HDAC9: variants seen among roughly 807,000 people sequenced by gnomAD.
The protein encoded by HDAC9 is MEF-2 interacting transcription repressor (MITR) protein.
A neutral mutation model predicts 139.4 loss-of-function variants in HDAC9; 41 were observed. That is an observed-to-expected ratio of 0.29 (90% CI 0.23 to 0.38). The LOEUF is 0.38. HDAC9 is among the 10% of genes least tolerant of loss of function. The pLI is 1.00. For missense variants in HDAC9, 1,147 were observed against 1,297.0 expected (o/e 0.88, Z 1.78); for synonymous variants, 517 against 476.2 (o/e 1.09, Z -1.12).
At chr7:18,322,388 T>G (rs905718713) in intron 1 of HDAC9, among the ~76,000 whole-genome samples, 2 of 152,182 alleles carry the variant, frequency 1.3e-5, no homozygotes, top group African/African-American at 4.8e-5. Context: ...AACTAATTTT[T>G]GTGGATTACC....
At chr7:18,738,012 A>G (rs1562899526) in intron 13 of HDAC9, among the ~76,000 whole-genome samples, 1 of 152,146 alleles carries the variant, frequency 6.6e-6, no homozygotes, top group Non-Finnish European at 1.5e-5. Flanking sequence ...ACCATTATGT[A>G]ATGGTGTTCT....
chr7:18,988,472 T>C (rs1388477317), intron 25 of HDAC9, among the ~76,000 whole-genome samples: 4 of 151,766 alleles, frequency 2.6e-5, no homozygotes, highest in Non-Finnish European at 4.4e-5. Context: ...TGAGGAGAGC[T>C]TTACTTCCAA....
At chr7:18,279,703 A>G (rs1389249996) in intron 2 of HDAC9, among the ~76,000 whole-genome samples, 1 of 151,970 alleles carries the variant, frequency 6.6e-6, no homozygotes, top group Non-Finnish European at 1.5e-5. Context: ...TGACCTCGTG[A>G]TCCACCCCCC....
intron 1 of HDAC9, among the ~76,000 whole-genome samples, chr7:18,140,138 C>T (rs1325359825): frequency 6.6e-6 from 1 of 152,108 alleles, no homozygotes; most frequent in Non-Finnish European, 1.5e-5. Flanking sequence ...AGCCAGGGTA[C>T]TCATTACTCA....
chr7:18,860,452 A>G (rs1057348239), intron 21 of HDAC9, among the ~76,000 whole-genome samples: 1 of 152,204 alleles, frequency 6.6e-6, no homozygotes, highest in African/African-American at 2.4e-5. Flanking sequence ...TACATGTTGC[A>G]GGGGCTTGTT....
At chr7:18,936,274 A>C (rs539989955) in intron 23 of HDAC9, among the ~76,000 whole-genome samples, 1 of 148,184 alleles carries the variant, frequency 6.7e-6, no homozygotes, top group African/African-American at 2.6e-5. Context: ...TTGTAGGGTT[A>C]TGTTATTTCT....
chr7:18,934,509 G>A (rs1391877949), intron 22 of HDAC9, among the ~76,000 whole-genome samples: 1 of 152,106 alleles, frequency 6.6e-6, no homozygotes, highest in East Asian at 1.9e-4. Context: ...GTAACTAACA[G>A]CACTGTGAAA....
At chr7:18,644,049 T>C (rs3801983) in intron 8 of HDAC9, among the ~76,000 whole-genome samples, 35,609 of 152,012 alleles carry the variant, frequency 0.23, 4,630 homozygotes, top group East Asian at 0.51. Context: ...GTTCAGGGTA[T>C]TTCAATGTAA....
At chr7:18,571,526 T>C (rs1177546844) in intron 2 of HDAC9, among the ~76,000 whole-genome samples, 2 of 152,182 alleles carry the variant, frequency 1.3e-5, no homozygotes, top group African/African-American at 4.8e-5. Context: ...AATAAGAAAA[T>C]ATCCAGCCGT....
chr7:18,748,804 T>G (rs768176582), intron 13 of HDAC9, among the ~76,000 whole-genome samples: 1 of 152,208 alleles, frequency 6.6e-6, no homozygotes. Flanking sequence ...ATGCGTAAGT[T>G]CGTGTTTTTG....
intron 1 of HDAC9, among the ~76,000 whole-genome samples, chr7:18,355,740 C>G (rs1585333580): frequency 6.6e-6 from 1 of 152,090 alleles, no homozygotes; most frequent in African/African-American, 2.4e-5. Flanking sequence ...GATTTAACCC[C>G]CATTTCGTGA....
intron 1 of HDAC9, among the ~76,000 whole-genome samples, chr7:18,302,753 T>C (rs1396039934): frequency 6.6e-6 from 1 of 152,188 alleles, no homozygotes; most frequent in Non-Finnish European, 1.5e-5. Flanking sequence ...CTAGAAGGCA[T>C]AGACAGTGTC....
chr7:18,434,942 T>G (rs1277171301), intron 1 of HDAC9, among the ~76,000 whole-genome samples: 2 of 151,736 alleles, frequency 1.3e-5, no homozygotes, highest in Non-Finnish European at 2.9e-5. Flanking sequence ...CATGAACTTG[T>G]ATGTTTGTCA....
chr7:18,367,114 T>C (rs1435155990), intron 1 of HDAC9, among the ~76,000 whole-genome samples: 1 of 152,088 alleles, frequency 6.6e-6, no homozygotes, highest in African/African-American at 2.4e-5. Flanking sequence ...GTAATAGATG[T>C]TCATATCAGA....
At chr7:18,526,201 T>C (rs773329972) in intron 2 of HDAC9, among the ~76,000 whole-genome samples, 8 of 152,204 alleles carry the variant, frequency 5.3e-5, no homozygotes, top group Non-Finnish European at 1.2e-4. Flanking sequence ...TGGAATTGTA[T>C]AGCAATATTT....
At chr7:18,270,305 A>AC (rs199938899) in intron 2 of HDAC9, among the ~76,000 whole-genome samples, 159 of 151,330 alleles carry the variant, frequency 1.1e-3, no homozygotes, top group Non-Finnish European at 1.3e-3. Context: ...AAACAAAAAA[A>AC]AAACTGTGAC....
intron 1 of HDAC9, among the ~76,000 whole-genome samples, chr7:18,367,350 A>C (rs75324703): frequency 6.6e-6 from 1 of 152,074 alleles, no homozygotes; most frequent in Non-Finnish European, 1.5e-5. Flanking sequence ...CCTATTTTTC[A>C]GGAGAAGAAG....
At chr7:18,720,151 A>G (rs937150508) in intron 12 of HDAC9, among the ~76,000 whole-genome samples, 1 of 152,140 alleles carries the variant, frequency 6.6e-6, no homozygotes, top group African/African-American at 2.4e-5. Context: ...TAGAAATGGT[A>G]GTATCTATCC....
At chr7:18,594,511 GAGTA>G (rs1831919945) in intron 6 of HDAC9, among the ~76,000 whole-genome samples, 1 of 152,028 alleles carries the variant, frequency 6.6e-6, no homozygotes, top group Admixed American at 6.6e-5. Context: ...GCTACCTTCT[GAGTA>G]AGTGACTAGC....
Sources: gnomAD v4.1 joint callset for allele counts (sites outside exome capture counted in the v4.1 genomes callset) on GRCh38, gnomAD v4.1.1 for gene constraint, MANE v1.5 for transcripts, NCBI Gene and HGNC (gene_info 2026-07-23, HGNC 2026-07-21) for gene names.